LUZP2: variants seen among roughly 807,000 people sequenced by gnomAD.
LUZP2 encodes leucine zipper protein 2.
A neutral mutation model predicts 51.6 loss-of-function variants in LUZP2; 52 were observed. The ratio of observed to expected loss-of-function variants is 1.01; its 90% CI spans 0.81 to 1.27. The LOEUF is 1.27. Among genes scored for constraint, LUZP2 ranks in the 50% most tolerant of loss-of-function variants. LUZP2 has a pLI of 0.00. For missense variants in LUZP2, 436 were observed against 395.4 expected, an observed-to-expected ratio of 1.10 and a Z score of -0.87; for synonymous variants, 154 against 137.3, an observed-to-expected ratio of 1.12 and a Z score of -0.85.
intron 7 of LUZP2, among the ~76,000 whole-genome samples, chr11:24,943,831 T>C (rs1854827642): frequency 1.3e-5 from 2 of 149,242 alleles, no homozygotes; most frequent in Non-Finnish European, 3.0e-5. Flanking sequence ...TGAGCCGAGA[T>C]TGGGCCACTG....
At chr11:24,753,319 G>A (rs929892673) in intron 4 of LUZP2, among the ~76,000 whole-genome samples, 8 of 152,146 alleles carry the variant, frequency 5.3e-5, no homozygotes, top group Middle Eastern at 3.2e-3. Flanking sequence ...CCATGCGCTC[G>A]CTGGACATGC....
intron 5 of LUZP2, among the ~76,000 whole-genome samples, chr11:24,880,477 T>G (rs1852424753): frequency 1.3e-5 from 2 of 152,158 alleles, no homozygotes; most frequent in South Asian, 2.1e-4. Flanking sequence ...ACTGGTGTCT[T>G]TGTTAGGGGG....
chr11:24,991,350 G>GTATA lies in LUZP2; in HGVS notation c.765+8065_765+8068dup, dbSNP rs58800807. On this transcript the variant is annotated intron_variant, in intron 9 of 11. Coordinates refer to ENST00000336930, the MANE Select transcript of LUZP2 (RefSeq NM_001009909.4). Reference sequence around the variant, plus strand: ...TTCCATCATATATATGTGTGTGTGTGTATATATATATGTGTGTGTATATAT... The same window carrying GTATA: ...TTCCATCATATATATGTGTGTGTGTGTATATATATATATATGTGTGTGTATATAT... Among the ~76,000 whole-genome samples the GTATA allele has an allele frequency of 2.1e-3, 304 of 142,228 alleles. 1 individual carries two copies. The highest frequency in any genetic ancestry group is 6.6e-3 in the African/African-American group (258 of 39,336). The allele number at this position is 142,228 out of a possible 152,430, so 93.3% of individuals were successfully genotyped here.
chr11:24,790,502 T>C (rs993793266), intron 5 of LUZP2, among the ~76,000 whole-genome samples: 1 of 152,014 alleles, frequency 6.6e-6, no homozygotes. Flanking sequence ...TTTTATTTAT[T>C]TATTTATTTA....
intron 9 of LUZP2, among the ~76,000 whole-genome samples, chr11:25,018,772 T>C (rs1266884821): frequency 6.6e-6 from 1 of 152,044 alleles, no homozygotes. Flanking sequence ...CATGCCTGGC[T>C]AAGTTTTGTA....
intron 5 of LUZP2, among the ~76,000 whole-genome samples, chr11:24,819,558 T>C (rs1850295031): frequency 6.6e-6 from 1 of 152,140 alleles, no homozygotes. Flanking sequence ...AAAACTTTTC[T>C]GTTTTTTGAA....
intron 7 of LUZP2, among the ~76,000 whole-genome samples, chr11:24,940,297 C>T (rs1481523902): frequency 2.0e-5 from 3 of 151,990 alleles, no homozygotes; most frequent in Non-Finnish European, 2.9e-5. Flanking sequence ...AAAGTAGACT[C>T]ACATATTCAG....
intron 5 of LUZP2, among the ~76,000 whole-genome samples, chr11:24,797,035 A>G (rs1445745132): frequency 6.6e-6 from 1 of 152,116 alleles, no homozygotes; most frequent in Non-Finnish European, 1.5e-5. Flanking sequence ...TAGCTGCGTG[A>G]CCTTGTGCAA....
chr11:24,607,960 T>G lies in LUZP2; in HGVS notation c.62+110655T>G, dbSNP rs575574928. ...GCCTCCTGGGTTTATGCCATTCTCC[T>G]GCCTCAGCCTCCCGAGTAGCTGGGA... On this transcript the variant is annotated intron_variant, in intron 1 of 11. Coordinates refer to ENST00000336930, the MANE Select transcript of LUZP2 (RefSeq NM_001009909.4). 7.9e-5 allele frequency among the ~76,000 whole-genome samples: 12 copies of G among 152,248 alleles called. No homozygotes were observed. In the South Asian group the frequency reaches 2.1e-3, roughly 26 times the overall value.
intron 7 of LUZP2, among the ~76,000 whole-genome samples, chr11:24,973,364 G>GTTGTT (rs60764867): frequency 0.016 from 1,603 of 102,936 alleles, 58 homozygotes; most frequent in African/African-American, 0.039. Flanking sequence ...ATATTTATTA[G>GTTGTT]TTTTTTTTTT....
At chr11:24,717,290 C>A (rs909565602) in intron 1 of LUZP2, among the ~76,000 whole-genome samples, 1 of 150,966 alleles carries the variant, frequency 6.6e-6, no homozygotes, top group Non-Finnish European at 1.5e-5. Flanking sequence ...AATTTTTTTT[C>A]TTATTTTAAA....
chr11:24,610,346 G>T (rs1854078682), intron 1 of LUZP2, among the ~76,000 whole-genome samples: 1 of 152,218 alleles, frequency 6.6e-6, no homozygotes, highest in East Asian at 1.9e-4. Flanking sequence ...ACAGAAAAGG[G>T]TAACTTATGC....
At chr11:24,933,846 T>C (rs1296621268) in intron 7 of LUZP2, among the ~76,000 whole-genome samples, 2 of 152,082 alleles carry the variant, frequency 1.3e-5, no homozygotes, top group Non-Finnish European at 2.9e-5. Context: ...CATTAGTTCT[T>C]ATAGGTTTGG....
chr11:24,770,028 A>G (rs1436670228), intron 5 of LUZP2, among the ~76,000 whole-genome samples: 4 of 152,148 alleles, frequency 2.6e-5, no homozygotes, highest in African/African-American at 7.2e-5. Flanking sequence ...TCCTGACCTC[A>G]AGTGATCTGC....
intron 1 of LUZP2, among the ~76,000 whole-genome samples, chr11:24,572,805 C>T (rs779012112): frequency 5.6e-4 from 85 of 152,032 alleles, no homozygotes; most frequent in Non-Finnish European, 7.2e-4. Context: ...TATCTAAAGA[C>T]GAAATATTCT....
At chr11:24,566,315 ATTATTTATTTATTTTTTT>A in intron 1 of LUZP2, among the ~76,000 whole-genome samples, 1 of 41,424 alleles carries the variant, frequency 2.4e-5, no homozygotes, top group Admixed American at 2.5e-4. Flanking sequence ...TATTTATTGT[ATTATTTATTTATTTTTTT>A]TTTTTTTTTT....
rs942796517 is a variant in LUZP2 at position 24,727,414 on chromosome 11, C to T, written c.63-1755C>T. Reference sequence around the variant, plus strand: ...AATTTCCGTGCCTATAAAATAGGTACGGATGTGTTATGCACGTCATTTCAT... The same window carrying T: ...AATTTCCGTGCCTATAAAATAGGTATGGATGTGTTATGCACGTCATTTCAT... On this transcript the variant is annotated intron_variant, in intron 1 of 11. Coordinates refer to ENST00000336930, the MANE Select transcript of LUZP2 (RefSeq NM_001009909.4). 1.8e-4 allele frequency among the ~76,000 whole-genome samples: 27 copies of T among 152,004 alleles called. No individual in the cohort carries two copies. The South Asian group carries it at 1.9e-3, about 11-fold the overall frequency.
chr11:24,946,524 TTATAA>T (rs1329811201), intron 7 of LUZP2, among the ~76,000 whole-genome samples: 1 of 151,992 alleles, frequency 6.6e-6, no homozygotes, highest in Non-Finnish European at 1.5e-5. Context: ...CCTCTAAGGC[TTATAA>T]TATACTTCTT....
chr11:24,621,308 A>G (rs1236600302), intron 1 of LUZP2, among the ~76,000 whole-genome samples: 1 of 152,258 alleles, frequency 6.6e-6, no homozygotes, highest in Non-Finnish European at 1.5e-5. Context: ...CTAAGGTCAC[A>G]TACCAATACT....
Sources: gnomAD v4.1 joint callset for allele counts (sites outside exome capture counted in the v4.1 genomes callset) on GRCh38, gnomAD v4.1.1 for gene constraint, MANE v1.5 for transcripts, NCBI Gene and HGNC (gene_info 2026-07-23, HGNC 2026-07-21) for gene names.